The following CBLB variants were observed in gnomAD, a reference collection of about 807,000 sequenced individuals.
CBLB encodes Cbl proto-oncogene B, also known as E3 ubiquitin-protein ligase CBL-B.
A neutral mutation model predicts 104.9 loss-of-function variants in CBLB; 31 were observed. The observed-to-expected ratio is 0.30, with a 90% CI of 0.22 to 0.40. CBLB has a LOEUF of 0.40. Ranked by LOEUF, CBLB falls within the 10% of genes least tolerant of loss-of-function variation. The probability of loss-of-function intolerance (pLI) is 1.00; values close to 1 mark genes in which losing one functional copy is unlikely to be tolerated. For synonymous variants in CBLB, 440 were observed against 422.6 expected, an observed-to-expected ratio of 1.04 and a Z score of -0.51; for missense variants, 1,062 against 1,214.6, an observed-to-expected ratio of 0.87 and a Z score of 1.87.
Position 105,671,923 on chromosome 3 carries a change from C to T in CBLB, c.2570-1571G>A, listed in dbSNP as rs2065097972. 1.6e-5 allele frequency: 3 copies of T among 192,792 alleles called. No individual in the cohort carries two copies. In the South Asian group the frequency reaches 5.8e-4, roughly 37 times the overall value. 11.9% of individuals were successfully genotyped at this position (192,792 alleles called of 1,614,324 possible). A position where few individuals can be genotyped will look rare whatever the true frequency, so the allele number is the denominator to read the frequency against. ...TAGGAAGGAATGAGAAGATAAATCG[C>T]ATGAGACAATGTTGATCTTTTGGTT... On this transcript the variant is annotated intron_variant, in intron 17 of 18. Transcript: ENST00000394030.
intron 16 of CBLB, among the ~76,000 whole-genome samples, chr3:105,679,161 A>T (rs761833003): frequency 6.6e-5 from 10 of 152,112 alleles, no homozygotes; most frequent in African/African-American, 1.4e-4. Flanking sequence ...AATTTGTCAG[A>T]TTTAGCTACA....
chr3:105,655,835 G>C lies in CBLB; in HGVS notation c.*3135C>G, dbSNP rs1447676082. The C allele has an allele frequency of 4.6e-6, 1 of 218,400 alleles. No individual in the cohort carries two copies. The highest frequency in any genetic ancestry group is 9.2e-6 in the Non-Finnish European group (1 of 108,674). 13.5% of individuals were successfully genotyped at this position (218,400 alleles called of 1,614,324 possible). Reference sequence around the variant, plus strand: ...TCAAAGCTTCAAGTTGAAAATCTGAGAGAAAAAATAACGTTCGAACTGTAG... The same window carrying C: ...TCAAAGCTTCAAGTTGAAAATCTGACAGAAAAAATAACGTTCGAACTGTAG... On this transcript the variant is annotated 3_prime_UTR_variant, in exon 19 of 19. Transcript: ENST00000394030.
intron 4 of CBLB, among the ~76,000 whole-genome samples, chr3:105,773,654 G>C (rs1423752907): frequency 6.6e-6 from 1 of 152,072 alleles, no homozygotes; most frequent in Non-Finnish European, 1.5e-5. Context: ...AAAGTTTCTG[G>C]ATTATAAGTT....
intron 14 of CBLB, 190 bp from the exon 15 acceptor site, chr3:105,682,008 C>A: frequency 1.8e-6 from 1 of 563,802 alleles, no homozygotes; most frequent in Non-Finnish European, 3.1e-6. Flanking sequence ...GTAAATATCT[C>A]AAGTAACACA....
intron 10 of CBLB, among the ~76,000 whole-genome samples, chr3:105,710,152 T>G (rs1165990531): frequency 6.6e-6 from 1 of 151,968 alleles, no homozygotes; most frequent in Non-Finnish European, 1.5e-5. Context: ...TTGCTGTCAC[T>G]ATTTTTTCTG....
chr3:105,685,471 CA>C lies in CBLB; in HGVS notation c.2055-6del. On this transcript the variant is annotated splice_polypyrimidine_tract_variant and splice_region_variant and intron_variant, in intron 13 of 18. Coordinates refer to ENST00000394030, the MANE Select transcript of CBLB (RefSeq NM_170662.5). The stretch of plus-strand genomic sequence containing the variant: ...TTTGCTAACGGACCAGTACACCTAC[CA>C]GGGGAAAAAAAATCCAATCTAGTTT... 1 of 1,611,600 alleles carries C rather than the reference CA, an allele frequency of 6.2e-7. No homozygotes were observed. Among genetic ancestry groups the C allele is most frequent in the Non-Finnish European group, 8.5e-7 (1 of 1,178,194 alleles).
intron 3 of CBLB, among the ~76,000 whole-genome samples, chr3:105,789,769 CAT>C: frequency 6.6e-6 from 1 of 152,230 alleles, no homozygotes; most frequent in South Asian, 2.1e-4. Context: ...CTAGATTTGA[CAT>C]ATGTCTAGAT....
At chr3:105,868,464 G>T in intron 1 of CBLB, 1 of 359,474 alleles carries the variant, frequency 2.8e-6, no homozygotes, top group Non-Finnish European at 4.9e-6. Flanking sequence ...CGTCTAGGGC[G>T]CGGGAGGGAC....
intron 18 of CBLB, among the ~76,000 whole-genome samples, chr3:105,660,385 T>C (rs1307463088): frequency 6.6e-6 from 1 of 151,146 alleles, no homozygotes; most frequent in South Asian, 2.1e-4. Context: ...GGAGACAGGG[T>C]TTCACCATGT....
intron 3 of CBLB, among the ~76,000 whole-genome samples, chr3:105,786,068 G>GGGT (rs201171138): frequency 6.7e-6 from 1 of 148,582 alleles, no homozygotes; most frequent in African/African-American, 2.5e-5. Context: ...GATCGGGGGG[G>GGGT]GGAAAGTGGG....
At chr3:105,695,094 A>G (rs2068183329) in intron 12 of CBLB, among the ~76,000 whole-genome samples, 1 of 151,896 alleles carries the variant, frequency 6.6e-6, no homozygotes, top group Admixed American at 6.6e-5. Flanking sequence ...ACAATGTAAG[A>G]TATCTGCAAT....
chr3:105,688,722 G>C (rs2152745564), intron 13 of CBLB, among the ~76,000 whole-genome samples: 1 of 151,948 alleles, frequency 6.6e-6, no homozygotes, highest in East Asian at 1.9e-4. Context: ...AGCTATATTT[G>C]AAATGATTTT....
At chr3:105,667,562 T>C (rs577825725) in intron 18 of CBLB, among the ~76,000 whole-genome samples, 1 of 152,298 alleles carries the variant, frequency 6.6e-6, no homozygotes, top group African/African-American at 2.4e-5. Flanking sequence ...TATTTAAATT[T>C]CAATTATACA....
At chr3:105,728,168 A>T (rs1316215314) in intron 9 of CBLB, among the ~76,000 whole-genome samples, 2 of 151,926 alleles carry the variant, frequency 1.3e-5, no homozygotes, top group Admixed American at 1.3e-4. Flanking sequence ...TTCTTTCTTT[A>T]TGTCCTCTCT....
intron 8 of CBLB, among the ~76,000 whole-genome samples, chr3:105,736,197 G>A (rs1264517049): frequency 6.6e-6 from 1 of 152,054 alleles, no homozygotes; most frequent in Admixed American, 6.6e-5. Flanking sequence ...AAACTAGACT[G>A]AATATAAAAT....
intron 3 of CBLB, among the ~76,000 whole-genome samples, chr3:105,820,525 T>A (rs183201642): frequency 1.0e-3 from 157 of 152,314 alleles, no homozygotes; most frequent in Middle Eastern, 3.4e-3. Context: ...TCAGAGCTCA[T>A]GCTCAACAAA....
At chr3:105,814,536 T>C (rs978681627) in intron 3 of CBLB, among the ~76,000 whole-genome samples, 1 of 152,126 alleles carries the variant, frequency 6.6e-6, no homozygotes, top group African/African-American at 2.4e-5. Flanking sequence ...ACTTAAGGAA[T>C]GACAAAAAGG....
At chr3:105,724,099 T>C (rs1561919) in intron 9 of CBLB, 89,961 of 174,542 alleles carry the variant, frequency 0.52, 24,270 homozygotes, top group Middle Eastern at 0.65. Flanking sequence ...CTGGAAAAAT[T>C]ATATGTATAT....
chr3:105,712,586 C>T (rs1260460725), intron 10 of CBLB, among the ~76,000 whole-genome samples: 2 of 152,144 alleles, frequency 1.3e-5, no homozygotes, highest in African/African-American at 4.8e-5. Flanking sequence ...TACTGTAGTT[C>T]TTCACCCTAC....
Sources: allele counts gnomAD v4.1 joint callset (sites outside exome capture counted in the v4.1 genomes callset), GRCh38; gene constraint gnomAD v4.1.1; transcripts MANE v1.5; gene names NCBI Gene and HGNC (gene_info 2026-07-23, HGNC 2026-07-21).